Variants in PPFIA2 observed in about 807,000 individuals in gnomAD.
The protein encoded by PPFIA2 is PPFI scaffold protein A2, also known as liprin-alpha-2.
PPFIA2 carries 46 observed loss-of-function variants against 175.5 expected under a neutral mutation model. The ratio of observed to expected loss-of-function variants is 0.26; its 90% confidence interval spans 0.21 to 0.34. PPFIA2 has a LOEUF of 0.34. Ranked by LOEUF, PPFIA2 falls within the 10% of genes least tolerant of loss-of-function variation. The pLI is 1.00. For synonymous variants in PPFIA2, 568 were observed against 511.4 expected, an observed-to-expected ratio of 1.11 and a Z score of -1.49; for missense variants, 1,179 against 1,506.1, an observed-to-expected ratio of 0.78 and a Z score of 3.60.
intron 8 of PPFIA2, among the ~76,000 whole-genome samples, chr12:81,402,111 C>T (rs1292121542): frequency 6.6e-6 from 1 of 152,052 alleles, no homozygotes; most frequent in African/African-American, 2.4e-5. Flanking sequence ...GCTAATCACC[C>T]ACCCTGACTG....
intron 4 of PPFIA2, among the ~76,000 whole-genome samples, chr12:81,536,736 A>C (rs972992755): frequency 9.6e-6 from 1 of 103,848 alleles, no homozygotes; most frequent in East Asian, 3.2e-4. Flanking sequence ...ACAAATATAT[A>C]TACATAAACA....
chr12:81,597,846 A>T, intron 4 of PPFIA2: 1 of 1,164,884 alleles, frequency 8.6e-7, no homozygotes, highest in Non-Finnish European at 1.2e-6. Flanking sequence ...CATTTTCTTC[A>T]ATACTTCCAA....
At chr12:81,641,985 G>A (rs761291238) in intron 4 of PPFIA2, among the ~76,000 whole-genome samples, 3 of 151,978 alleles carry the variant, frequency 2.0e-5, no homozygotes, top group African/African-American at 7.3e-5. Flanking sequence ...ATGTGTTACT[G>A]ATTAAATTCA....
chr12:81,478,900 C>A (rs536448156), intron 4 of PPFIA2, among the ~76,000 whole-genome samples: 1 of 151,964 alleles, frequency 6.6e-6, no homozygotes, highest in Non-Finnish European at 1.5e-5. Flanking sequence ...TCTGTTGATT[C>A]GGAGTGGAGA....
At chr12:81,521,821 A>AC in intron 4 of PPFIA2, among the ~76,000 whole-genome samples, 1 of 143,766 alleles carries the variant, frequency 7.0e-6, no homozygotes, top group Non-Finnish European at 1.5e-5. Context: ...CCATCTCACA[A>AC]AAAAAAAAAA....
chr12:81,355,096 C>G, intron 16 of PPFIA2, among the ~76,000 whole-genome samples: 1 of 152,096 alleles, frequency 6.6e-6, no homozygotes, highest in Non-Finnish European at 1.5e-5. Context: ...AAATGTATTT[C>G]TTAAGTTATA....
At chr12:81,752,547 C>T (rs2083968662) in intron 3 of PPFIA2, among the ~76,000 whole-genome samples, 1 of 152,066 alleles carries the variant, frequency 6.6e-6, no homozygotes, top group African/African-American at 2.4e-5. Context: ...CATCTCAATA[C>T]AAGATAAACT....
chr12:81,550,590 T>C (rs1182915725), intron 4 of PPFIA2, among the ~76,000 whole-genome samples: 1 of 151,972 alleles, frequency 6.6e-6, no homozygotes, highest in African/African-American at 2.4e-5. Context: ...CTCAGGTTTC[T>C]GGCTGAGGCA....
intron 24 of PPFIA2, among the ~76,000 whole-genome samples, chr12:81,286,976 G>A (rs11114812): frequency 0.19 from 28,466 of 151,842 alleles, 2,746 homozygotes; most frequent in East Asian, 0.23. Flanking sequence ...TTGCATATGA[G>A]TATATAAATC....
intron 4 of PPFIA2, among the ~76,000 whole-genome samples, chr12:81,652,327 G>T (rs967948751): frequency 6.6e-6 from 1 of 150,598 alleles, no homozygotes; most frequent in Non-Finnish European, 1.5e-5. Flanking sequence ...TATAATTGTG[G>T]CCTTACAAAG....
At chr12:81,316,193 G>A (rs949218154) in intron 22 of PPFIA2, among the ~76,000 whole-genome samples, 1 of 151,456 alleles carries the variant, frequency 6.6e-6, no homozygotes, top group African/African-American at 2.4e-5. Flanking sequence ...GAGACTATAC[G>A]TAATTACTGC....
chr12:81,385,350 G>T (rs1237424089), intron 8 of PPFIA2, among the ~76,000 whole-genome samples: 1 of 151,942 alleles, frequency 6.6e-6, no homozygotes, highest in Non-Finnish European at 1.5e-5. Context: ...CTCACTTCTG[G>T]GTATATAACC....
At chr12:81,449,998 C>T (rs1186769888) in intron 5 of PPFIA2, among the ~76,000 whole-genome samples, 1 of 152,060 alleles carries the variant, frequency 6.6e-6, no homozygotes, top group Non-Finnish European at 1.5e-5. Flanking sequence ...CATAGTATTC[C>T]ATGGTTTATA....
At chr12:81,731,472 T>C (rs1015984847) in intron 3 of PPFIA2, among the ~76,000 whole-genome samples, 1 of 151,654 alleles carries the variant, frequency 6.6e-6, no homozygotes, top group Non-Finnish European at 1.5e-5. Flanking sequence ...AAACCCAAAC[T>C]TCAAACATTG....
At chr12:81,560,118 T>C (rs2069718706) in intron 4 of PPFIA2, among the ~76,000 whole-genome samples, 1 of 152,124 alleles carries the variant, frequency 6.6e-6, no homozygotes, top group Admixed American at 6.6e-5. Flanking sequence ...TAGACTGGAA[T>C]GTAAAAGAGA....
chr12:81,669,083 C>T (rs984719443), intron 4 of PPFIA2, among the ~76,000 whole-genome samples: 6 of 151,970 alleles, frequency 3.9e-5, no homozygotes, highest in African/African-American at 7.2e-5. Flanking sequence ...CTAAGACATA[C>T]GGCATTCTAA....
chr12:81,593,668 G>C (rs918060810), intron 4 of PPFIA2, among the ~76,000 whole-genome samples: 21 of 152,166 alleles, frequency 1.4e-4, no homozygotes, highest in African/African-American at 1.9e-4. Context: ...GTGCAGGAAT[G>C]GGTGAAGGCT....
chr12:81,560,069 A>G (rs1466704039), intron 4 of PPFIA2, among the ~76,000 whole-genome samples: 1 of 152,196 alleles, frequency 6.6e-6, no homozygotes, highest in African/African-American at 2.4e-5. Flanking sequence ...TGAGGTTTGA[A>G]TTGACGTATA....
At chr12:81,751,267 T>C (rs1036769177) in intron 3 of PPFIA2, among the ~76,000 whole-genome samples, 19 of 152,130 alleles carry the variant, frequency 1.2e-4, no homozygotes, top group African/African-American at 4.3e-4. Context: ...AATGGAACTA[T>C]AGCCATCTAA....
Sources: gnomAD v4.1 joint callset for allele counts (sites outside exome capture counted in the v4.1 genomes callset) on GRCh38, gnomAD v4.1.1 for gene constraint, MANE v1.5 for transcripts, NCBI Gene and HGNC (gene_info 2026-07-23, HGNC 2026-07-21) for gene names.